SEC23A: variants seen among roughly 807,000 people sequenced by gnomAD.
SEC23A encodes protein transport protein Sec23A.
A neutral mutation model predicts 103.7 loss-of-function variants in SEC23A; 56 were observed. The observed-to-expected ratio is 0.54, with a 90% CI of 0.44 to 0.67. The LOEUF (loss-of-function observed/expected upper bound fraction) is 0.67. SEC23A is among the 30% of genes least tolerant of loss of function. The pLI is 0.00. For missense variants in SEC23A, 784 were observed against 936.4 expected, an observed-to-expected ratio of 0.84 and a Z score of 2.12; for synonymous variants, 281 against 293.0, an observed-to-expected ratio of 0.96 and a Z score of 0.42.
chr14:39,069,760 C>T (rs1385610110), intron 9 of SEC23A, among the ~76,000 whole-genome samples: 1 of 152,144 alleles, frequency 6.6e-6, no homozygotes, highest in Non-Finnish European at 1.5e-5. Context: ...CAGCGCCTGG[C>T]CCCAGGTACA....
At chr14:39,085,573 A>C (rs927594973) in intron 7 of SEC23A, among the ~76,000 whole-genome samples, 189 bp downstream of exon 7, 9 of 152,152 alleles carry the variant, frequency 5.9e-5, no homozygotes, top group Non-Finnish European at 1.5e-5. Context: ...TATCGAAGGC[A>C]GAACTGCTTG....
intron 5 of SEC23A, chr14:39,091,005 C>A: frequency 2.7e-6 from 1 of 373,758 alleles, no homozygotes. Flanking sequence ...CTGCCCCCAC[C>A]ACCACTGCTG....
At chr14:39,068,051 A>T (rs1400560763) in intron 9 of SEC23A, among the ~76,000 whole-genome samples, 1 of 152,204 alleles carries the variant, frequency 6.6e-6, no homozygotes. Context: ...ATGTTATACC[A>T]AGCAAATGAG....
chr14:39,063,490 A>G, intron 11 of SEC23A, 77 bp from the exon 12 acceptor site: 2 of 931,664 alleles, frequency 2.1e-6, no homozygotes, highest in East Asian at 5.2e-5. Flanking sequence ...AAAATGGAAA[A>G]AGACCACAGG....
chr14:39,054,516 G>A (rs765372568), intron 14 of SEC23A, among the ~76,000 whole-genome samples: 2 of 152,108 alleles, frequency 1.3e-5, no homozygotes, highest in Non-Finnish European at 2.9e-5. Flanking sequence ...TGTTGCCCAG[G>A]CTGGAATGCA....
intron 13 of SEC23A, among the ~76,000 whole-genome samples, chr14:39,058,197 G>A (rs990743809): frequency 6.6e-6 from 1 of 151,848 alleles, no homozygotes; most frequent in African/African-American, 2.4e-5. Context: ...GAAAATAAGT[G>A]CTGAACCACT....
chr14:39,101,564 AG>A (rs1888096630), intron 1 of SEC23A, among the ~76,000 whole-genome samples: 1 of 151,656 alleles, frequency 6.6e-6, no homozygotes, highest in Non-Finnish European at 1.5e-5. Flanking sequence ...CGGAGGTTGC[AG>A]TGAGCCGAAA....
intron 1 of SEC23A, among the ~76,000 whole-genome samples, chr14:39,101,546 C>T (rs1566520468): frequency 6.6e-6 from 1 of 151,516 alleles, no homozygotes; most frequent in Non-Finnish European, 1.5e-5. Context: ...TAGCTTGTAC[C>T]TGGGAGGCGG....
intron 10 of SEC23A, among the ~76,000 whole-genome samples, chr14:39,066,593 G>T (rs1340922922): frequency 1.3e-5 from 2 of 151,916 alleles, no homozygotes; most frequent in African/African-American, 4.8e-5. Context: ...GGCCAGACGT[G>T]GTGGCTCATG....
chr14:39,053,012 G>C (rs973072701), intron 14 of SEC23A, among the ~76,000 whole-genome samples: 6 of 152,138 alleles, frequency 3.9e-5, no homozygotes, highest in African/African-American at 1.2e-4. Flanking sequence ...GTGTGCACCT[G>C]TAATCCCAGC....
intron 7 of SEC23A, among the ~76,000 whole-genome samples, chr14:39,076,330 T>C (rs1157339307): frequency 6.6e-6 from 1 of 152,036 alleles, no homozygotes; most frequent in Non-Finnish European, 1.5e-5. Context: ...CTAATCCCTA[T>C]AAACATGGAT....
chr14:39,039,849 T>C (rs1465737589), intron 18 of SEC23A: 1 of 152,194 alleles, frequency 6.6e-6, no homozygotes, highest in East Asian at 1.9e-4. Context: ...TATTATCTGT[T>C]AAATGAAAAT....
At chr14:39,034,394 C>T (rs1044773401) in intron 19 of SEC23A, among the ~76,000 whole-genome samples, 4 of 152,214 alleles carry the variant, frequency 2.6e-5, no homozygotes, top group African/African-American at 9.6e-5. Flanking sequence ...CTAGTACACA[C>T]AGTAGACATA....
intron 1 of SEC23A, among the ~76,000 whole-genome samples, chr14:39,097,420 T>C (rs917274675): frequency 3.9e-5 from 6 of 152,290 alleles, no homozygotes; most frequent in African/African-American, 7.2e-5. Context: ...AAACCCAACA[T>C]GGATGTTTAA....
intron 13 of SEC23A, among the ~76,000 whole-genome samples, chr14:39,056,965 A>G (rs1886271780): frequency 6.6e-6 from 1 of 152,028 alleles, no homozygotes; most frequent in African/African-American, 2.4e-5. Flanking sequence ...CAGGAGGCTA[A>G]GGTGGGAGAA....
At chr14:39,077,876 T>C (rs1388310186) in intron 7 of SEC23A, among the ~76,000 whole-genome samples, 1 of 152,148 alleles carries the variant, frequency 6.6e-6, no homozygotes, top group African/African-American at 2.4e-5. Flanking sequence ...GAGGTTGCAG[T>C]GAGCCAAGAT....
At chr14:39,068,684 T>G (rs1433045923) in intron 9 of SEC23A, among the ~76,000 whole-genome samples, 1 of 152,166 alleles carries the variant, frequency 6.6e-6, no homozygotes, top group African/African-American at 2.4e-5. Flanking sequence ...GTATAAAATA[T>G]TGTTTATATG....
rs1885343739 is a variant in SEC23A, at chr14:39,032,817, A to G, written c.*422T>C. 1 of 160,410 alleles carries G rather than the reference A, an allele frequency of 6.2e-6. No homozygotes were observed. The allele number at this position is 160,410 out of a possible 1,614,324, so 9.9% of individuals were successfully genotyped here. A position where few individuals can be genotyped will look rare whatever the true frequency, so the allele number is the denominator to read the frequency against. ...AAAAATATTCAATGAATAAGCAAAA[A>G]TGTTCACATTTATCATTACTATTGT... On this transcript the variant is annotated 3_prime_UTR_variant, in exon 20 of 20. Transcript: ENST00000307712.
intron 15 of SEC23A, among the ~76,000 whole-genome samples, chr14:39,046,248 C>A (rs975783095): frequency 8.5e-5 from 13 of 152,158 alleles, no homozygotes; most frequent in African/African-American, 3.1e-4. Context: ...GCAGGTGGAT[C>A]ACCTGAGGTT....
Sources: allele counts gnomAD v4.1 joint callset (sites outside exome capture counted in the v4.1 genomes callset), GRCh38; gene constraint gnomAD v4.1.1; transcripts MANE v1.5; gene names NCBI Gene and HGNC (gene_info 2026-07-23, HGNC 2026-07-21).